Variants in DENND1A observed in about 807,000 individuals in gnomAD.
DENND1A encodes the protein DENN domain-containing protein 1A.
In DENND1A, 51 loss-of-function variants were observed where a neutral mutation model predicts 113.7. That is an observed-to-expected ratio of 0.45 (90% CI 0.36 to 0.57). DENND1A has a LOEUF of 0.57. Ranked by LOEUF, DENND1A falls within the 20% of genes least tolerant of loss-of-function variation. The pLI, the probability that DENND1A is intolerant of heterozygous loss-of-function variation, is 0.00. For synonymous variants in DENND1A, 565 were observed against 570.8 expected, an observed-to-expected ratio of 0.99 and a Z score of 0.14; for missense variants, 1,258 against 1,395.9, an observed-to-expected ratio of 0.90 and a Z score of 1.57.
At chr9:123,717,202 A>G (rs2067031025) in intron 5 of DENND1A, among the ~76,000 whole-genome samples, 1 of 152,198 alleles carries the variant, frequency 6.6e-6, no homozygotes, top group Non-Finnish European at 1.5e-5. Flanking sequence ...CGTCATTAGT[A>G]AACTGAGGGA....
intron 13 of DENND1A, among the ~76,000 whole-genome samples, chr9:123,458,776 AC>A (rs2048327457): frequency 6.6e-6 from 1 of 152,100 alleles, no homozygotes; most frequent in Non-Finnish European, 1.5e-5. Flanking sequence ...AGGCTGACCA[AC>A]CTGCAGAAAC....
At chr9:123,711,335 G>A (rs948289740) in intron 5 of DENND1A, among the ~76,000 whole-genome samples, 2 of 151,158 alleles carry the variant, frequency 1.3e-5, no homozygotes, top group African/African-American at 4.9e-5. Flanking sequence ...CGTGGTGGCG[G>A]GTGCCTATAA....
At chr9:123,651,686 A>T (rs1354555433) in intron 9 of DENND1A, among the ~76,000 whole-genome samples, 2 of 152,260 alleles carry the variant, frequency 1.3e-5, no homozygotes, top group African/African-American at 4.8e-5. Context: ...CAAGAGAAGG[A>T]TTTAGTAAAT....
At chr9:123,498,163 G>A (rs1035479312) in intron 13 of DENND1A, among the ~76,000 whole-genome samples, 1 of 152,222 alleles carries the variant, frequency 6.6e-6, no homozygotes, top group Non-Finnish European at 1.5e-5. Flanking sequence ...GAAGAGTTCT[G>A]TACAACATAG....
At chr9:123,779,998 C>T (rs1033905804) in intron 3 of DENND1A, among the ~76,000 whole-genome samples, 4 of 136,130 alleles carry the variant, frequency 2.9e-5, no homozygotes, top group African/African-American at 1.0e-4. Context: ...GGATTACAGG[C>T]GCCCCCCCAC....
chr9:123,873,417 G>C (rs184520379), intron 2 of DENND1A, among the ~76,000 whole-genome samples: 1 of 152,188 alleles, frequency 6.6e-6, no homozygotes, highest in Non-Finnish European at 1.5e-5. Flanking sequence ...ATGAGGGACA[G>C]TTTACAATAC....
chr9:123,398,293 T>C (rs533091869), intron 21 of DENND1A, among the ~76,000 whole-genome samples: 3 of 152,290 alleles, frequency 2.0e-5, no homozygotes, highest in African/African-American at 7.2e-5. Flanking sequence ...GGCCTTAGTC[T>C]GCACACAGTG....
At chr9:123,929,677 T>C (rs1177629863) in intron 1 of DENND1A, among the ~76,000 whole-genome samples, 1 of 151,742 alleles carries the variant, frequency 6.6e-6, no homozygotes, top group Admixed American at 6.5e-5. Flanking sequence ...AGGGGACACC[T>C]GACCCCCGGC....
intron 5 of DENND1A, among the ~76,000 whole-genome samples, chr9:123,717,764 G>T (rs1197662207): frequency 1.3e-5 from 2 of 152,186 alleles, no homozygotes; most frequent in Non-Finnish European, 2.9e-5. Context: ...TGTGTCCACT[G>T]CATTTCCTCA....
intron 13 of DENND1A, among the ~76,000 whole-genome samples, chr9:123,478,752 A>G (rs1371478146): frequency 6.6e-6 from 1 of 152,238 alleles, no homozygotes; most frequent in Non-Finnish European, 1.5e-5. Flanking sequence ...TCACCATAAA[A>G]TTCTTTCCAC....
chr9:123,625,798 G>A (rs954308919), intron 10 of DENND1A, among the ~76,000 whole-genome samples: 2 of 152,180 alleles, frequency 1.3e-5, no homozygotes, highest in African/African-American at 4.8e-5. Flanking sequence ...CCACTTGGCA[G>A]AGGAACTATA....
intron 5 of DENND1A, among the ~76,000 whole-genome samples, chr9:123,725,563 GC>G (rs2067643283): frequency 1.3e-5 from 2 of 152,364 alleles, no homozygotes; most frequent in South Asian, 4.1e-4. Flanking sequence ...GTACACAGTT[GC>G]AAGGCCGCAG....
At chr9:123,653,469 TGCACA>T (rs1376183420) in intron 8 of DENND1A, among the ~76,000 whole-genome samples, 1 of 152,236 alleles carries the variant, frequency 6.6e-6, no homozygotes, top group Non-Finnish European at 1.5e-5. Flanking sequence ...GTCCCTCTTA[TGCACA>T]TCTATTGTTT....
chr9:123,727,775 T>C (rs1252781048), intron 5 of DENND1A, among the ~76,000 whole-genome samples: 2 of 152,066 alleles, frequency 1.3e-5, no homozygotes, highest in Non-Finnish European at 2.9e-5. Flanking sequence ...AGGAACTGTA[T>C]GCCAAAAACC....
chr9:123,771,893 A>G (rs770672188), intron 3 of DENND1A, among the ~76,000 whole-genome samples: 1 of 152,124 alleles, frequency 6.6e-6, no homozygotes, highest in Non-Finnish European at 1.5e-5. Flanking sequence ...GAAAGGGAAT[A>G]TAGGCAATGT....
chr9:123,671,281 C>T lies in DENND1A; in HGVS notation c.453+10G>A. 1 of 1,613,860 alleles carries T rather than the reference C, an allele frequency of 6.2e-7. No individual in the cohort carries two copies. The highest frequency in any genetic ancestry group is 1.3e-5 in the African/African-American group (1 of 74,992). ...GTTTTCAGTGATGGCTAATACTCCGCCCCACTTACCACGCTGAGATGGACA... is the reference window on the plus strand; with the variant it reads ...GTTTTCAGTGATGGCTAATACTCCGTCCCACTTACCACGCTGAGATGGACA... On this transcript the variant is annotated intron_variant, in intron 7 of 23. Coordinates refer to ENST00000394215, the MANE Select transcript of DENND1A (RefSeq NM_001352964.2).
At chr9:123,578,660 T>C (rs2058737769) in intron 12 of DENND1A, among the ~76,000 whole-genome samples, 1 of 152,238 alleles carries the variant, frequency 6.6e-6, no homozygotes, top group South Asian at 2.1e-4. Context: ...ATTCAGTGGC[T>C]GCTAGATTCT....
At chr9:123,544,894 C>A (rs2056550983) in intron 13 of DENND1A, among the ~76,000 whole-genome samples, 1 of 152,114 alleles carries the variant, frequency 6.6e-6, no homozygotes, top group Non-Finnish European at 1.5e-5. Flanking sequence ...GTCAGGAGAT[C>A]AAGACCATCC....
chr9:123,457,777 C>A lies in DENND1A; in HGVS notation c.1098+16G>T, dbSNP rs201486306. ...GCCAGGGAGCCAGACCCAGGCCAGACCAGGGAGGGAGGCACCTGCTTGAAG... is the reference window on the plus strand; with the variant it reads ...GCCAGGGAGCCAGACCCAGGCCAGAACAGGGAGGGAGGCACCTGCTTGAAG... On this transcript the variant is annotated intron_variant, in intron 14 of 23. Coordinates refer to ENST00000394215, the MANE Select transcript of DENND1A (RefSeq NM_001352964.2). 1 of 1,598,524 alleles carries A rather than the reference C, an allele frequency of 6.3e-7. No individual in the cohort carries two copies. The highest frequency in any genetic ancestry group is 8.5e-7 in the Non-Finnish European group (1 of 1,172,742).
Sources: gnomAD v4.1 joint callset for allele counts (sites outside exome capture counted in the v4.1 genomes callset) on GRCh38, gnomAD v4.1.1 for gene constraint, MANE v1.5 for transcripts, NCBI Gene and HGNC (gene_info 2026-07-23, HGNC 2026-07-21) for gene names.